Variants in DCBLD1 observed in about 807,000 individuals in gnomAD.
DCBLD1 encodes discoidin, CUB and LCCL domain-containing protein 1.
Under a neutral mutation model 71.5 loss-of-function variants are expected in DCBLD1, and 57 were observed. The observed-to-expected ratio is 0.80, with a 90% CI of 0.64 to 0.99. The LOEUF (loss-of-function observed/expected upper bound fraction) is 0.99. Among genes scored for constraint, DCBLD1 ranks in the 50% least tolerant of loss-of-function variants. DCBLD1 has a pLI of 0.00. For missense variants in DCBLD1, 891 were observed against 923.5 expected (o/e 0.96, Z 0.46); for synonymous variants, 380 against 363.8 (o/e 1.04, Z -0.51).
chr6:117,569,080 T>G lies in DCBLD1; in HGVS notation c.1616-540T>G, dbSNP rs573132857. On this transcript the variant is annotated intron_variant, in intron 14 of 14. Coordinates refer to the DCBLD1 transcript ENST00000296955. The stretch of plus-strand genomic sequence containing the variant: ...TGCTTGGCAACTTTGAGTAAATCCT[T>G]TCATCGCTAAGAACTTTAGTTTACT... Among the ~76,000 whole-genome samples the G allele has an allele frequency of 7.2e-5, 11 of 152,314 alleles. No individual in the cohort carries two copies. In the South Asian group the frequency reaches 2.3e-3, roughly 32 times the overall value.
At chr6:117,530,986 C>T (rs900127948) in intron 5 of DCBLD1, among the ~76,000 whole-genome samples, 1 of 151,814 alleles carries the variant, frequency 6.6e-6, no homozygotes, top group African/African-American at 2.4e-5. Context: ...TGAAATCTTT[C>T]CTCTCTTTTG....
intron 14 of DCBLD1, chr6:117,562,886 A>C: frequency 8.6e-6 from 2 of 232,294 alleles, no homozygotes; most frequent in Non-Finnish European, 1.7e-5. Flanking sequence ...TCTGTATTTT[A>C]AAGGGTACTC....
At chr6:117,556,792 A>C (rs1450233435) in intron 14 of DCBLD1, among the ~76,000 whole-genome samples, 2 of 152,090 alleles carry the variant, frequency 1.3e-5, no homozygotes, top group Admixed American at 1.3e-4. Context: ...TCTTTGAGAA[A>C]TCTCTATACT....
chr6:117,562,125 T>C (rs184724537), intron 14 of DCBLD1: 2 of 207,004 alleles, frequency 9.7e-6, no homozygotes, highest in East Asian at 1.5e-4. Flanking sequence ...GAGGAGGCAC[T>C]CCATGTTTAA....
In DCBLD1 at chr6:117,503,927, C is replaced by T; in HGVS notation, c.273C>T (p.Ser91=). Residue 91 remains serine, a synonymous_variant, in exon 2 of 15, where the codon TCC becomes TCT. Transcript: ENST00000338728. ...GGTTGGGAGATTTGGATATCGAATCCCAGACCTGTGCTTCTGACTATCTTC... is the reference window on the plus strand; with the variant it reads ...GGTTGGGAGATTTGGATATCGAATCTCAGACCTGTGCTTCTGACTATCTTC... ...ILRLGDLDIE[S]QTCASDYLLF... is the part of the protein sequence containing the mutation. 6.2e-7 allele frequency: 1 copy of T among 1,614,092 alleles called. No homozygotes were observed. Among genetic ancestry groups the T allele is most frequent in the Non-Finnish European group, 8.5e-7 (1 of 1,180,002 alleles).
intron 2 of DCBLD1, among the ~76,000 whole-genome samples, chr6:117,505,340 C>T (rs79680558): frequency 0.034 from 5,176 of 152,094 alleles, 122 homozygotes; most frequent in Non-Finnish European, 0.054. Context: ...CCTCATTAGC[C>T]AGGAGATTTC....
At chr6:117,496,036 CAG>C (rs1373458839) in intron 1 of DCBLD1, among the ~76,000 whole-genome samples, 1 of 152,152 alleles carries the variant, frequency 6.6e-6, no homozygotes, top group African/African-American at 2.4e-5. Context: ...AAAGTTTCCA[CAG>C]AGAGACTTTT....
intron 4 of DCBLD1, among the ~76,000 whole-genome samples, chr6:117,524,893 T>C (rs904976543): frequency 1.1e-4 from 17 of 152,184 alleles, no homozygotes; most frequent in Admixed American, 8.5e-4. Context: ...ATTATGGCAA[T>C]ATTACAGTAT....
intron 12 of DCBLD1, among the ~76,000 whole-genome samples, chr6:117,543,721 A>C (rs1315262496): frequency 5.3e-5 from 8 of 152,154 alleles, no homozygotes; most frequent in Non-Finnish European, 1.5e-5. Flanking sequence ...TTAACCTTTG[A>C]GTATTGTTGA....
chr6:117,518,904 C>T (rs1054503228), intron 2 of DCBLD1, among the ~76,000 whole-genome samples: 6 of 152,128 alleles, frequency 3.9e-5, no homozygotes, highest in East Asian at 3.9e-4. Flanking sequence ...CGGTTTTATT[C>T]GTATTGACTT....
At chr6:117,491,767 T>G (rs1237374693) in intron 1 of DCBLD1, among the ~76,000 whole-genome samples, 1 of 152,192 alleles carries the variant, frequency 6.6e-6, no homozygotes, top group Non-Finnish European at 1.5e-5. Flanking sequence ...CACATACTTT[T>G]TCTTTTCCTG....
chr6:117,483,409 T>C (rs1454299457), intron 1 of DCBLD1, among the ~76,000 whole-genome samples: 2 of 152,182 alleles, frequency 1.3e-5, no homozygotes, highest in African/African-American at 2.4e-5. Flanking sequence ...TCGTGCGGAA[T>C]GGCCGGGGCA....
At chr6:117,493,123 G>C (rs1021619863) in intron 1 of DCBLD1, among the ~76,000 whole-genome samples, 2 of 152,112 alleles carry the variant, frequency 1.3e-5, no homozygotes, top group African/African-American at 4.8e-5. Context: ...TTATCTTGAG[G>C]ATTTTCTTTC....
chr6:117,522,449 T>TC (rs1422979260), intron 4 of DCBLD1, among the ~76,000 whole-genome samples: 1 of 151,912 alleles, frequency 6.6e-6, no homozygotes, highest in Non-Finnish European at 1.5e-5. Context: ...TTTTTTTTTT[T>TC]CTCTTTTTAT....
At chr6:117,514,518 ATTGT>A (rs1471493540) in intron 2 of DCBLD1, among the ~76,000 whole-genome samples, 3 of 150,782 alleles carry the variant, frequency 2.0e-5, no homozygotes, top group Non-Finnish European at 2.9e-5. Flanking sequence ...AGGTGGAAGG[ATTGT>A]TTGAGCCCAG....
intron 5 of DCBLD1, 43 bp from the exon 6 acceptor site, chr6:117,532,217 T>C: frequency 6.5e-7 from 1 of 1,548,114 alleles, no homozygotes; most frequent in Non-Finnish European, 8.7e-7. Context: ...ATATTTTAAC[T>C]GTGTTCTTTT....
rs1280827941 is a variant in DCBLD1, at chr6:117,540,746, G to C, written c.1180G>C (p.Val394Leu). 2.5e-6 allele frequency: 4 copies of C among 1,614,202 alleles called. No individual in the cohort carries two copies. The highest frequency in any genetic ancestry group is 3.4e-6 in the Non-Finnish European group (4 of 1,180,050). Residue 394 changes from valine (V) to leucine (L), a missense_variant, in exon 10 of 15, where the codon GTT becomes CTT. Physicochemically the swap from Val to Leu is conservative, Grantham distance 32. Coordinates refer to ENST00000338728, the MANE Select transcript of DCBLD1 (RefSeq NM_001366458.2). Reference protein sequence around the residue: ...IPPIVARYVRVVPQTWHQRIA... With the variant: ...IPPIVARYVRLVPQTWHQRIA... ...TCCCATCGTGGCCAGATATGTGCGG[G>C]TTGTCCCCCAGACATGGCACCAGAG...
intron 5 of DCBLD1, among the ~76,000 whole-genome samples, 182 bp downstream of exon 5, chr6:117,525,616 A>G (rs571711963): frequency 1.5e-5 from 2 of 132,272 alleles, no homozygotes; most frequent in East Asian, 4.4e-4. Flanking sequence ...ATTCATTCCT[A>G]TTAGCATTTC....
intron 2 of DCBLD1, among the ~76,000 whole-genome samples, chr6:117,518,644 C>T (rs554821791): frequency 6.6e-6 from 1 of 152,168 alleles, no homozygotes; most frequent in Non-Finnish European, 1.5e-5. Flanking sequence ...AGGCAAAAGA[C>T]ATGTCTCATA....
Sources: allele counts gnomAD v4.1 joint callset (sites outside exome capture counted in the v4.1 genomes callset), GRCh38; gene constraint gnomAD v4.1.1; transcripts MANE v1.5; gene names NCBI Gene and HGNC (gene_info 2026-07-23, HGNC 2026-07-21).